The following HCN1 variants were observed in gnomAD, a reference collection of about 807,000 sequenced individuals.
HCN1 encodes hyperpolarization activated cyclic nucleotide gated potassium channel 1.
In HCN1, 13 loss-of-function variants were observed where a neutral mutation model predicts 78.9. The ratio of observed to expected loss-of-function variants is 0.16; its 90% CI spans 0.11 to 0.26. The LOEUF (loss-of-function observed/expected upper bound fraction) is 0.26, where lower values mean the gene tolerates loss of function less well. Among genes scored for constraint, HCN1 ranks in the 10% least tolerant of loss-of-function variants. The probability of loss-of-function intolerance (pLI) is 1.00; values close to 1 mark genes in which losing one functional copy is unlikely to be tolerated. For missense variants in HCN1, 810 were observed against 1,154.3 expected, an observed-to-expected ratio of 0.70 and a Z score of 4.32; for synonymous variants, 552 against 455.5, an observed-to-expected ratio of 1.21 and a Z score of -2.70.
chr5:45,516,548 A>T (rs942031066), intron 2 of HCN1, among the ~76,000 whole-genome samples: 8 of 151,960 alleles, frequency 5.3e-5, no homozygotes, highest in African/African-American at 1.7e-4. Context: ...CCATAATTTG[A>T]ATTTGGCAAA....
intron 5 of HCN1, among the ~76,000 whole-genome samples, chr5:45,331,167 G>C (rs1156270781): frequency 1.3e-5 from 2 of 151,178 alleles, no homozygotes; most frequent in African/African-American, 4.8e-5. Context: ...GTAAAGTGTA[G>C]AATTCAACTT....
chr5:45,419,127 C>A (rs1479576105), intron 3 of HCN1, among the ~76,000 whole-genome samples: 1 of 152,138 alleles, frequency 6.6e-6, no homozygotes, highest in Admixed American at 6.6e-5. Flanking sequence ...CACTATGACA[C>A]TTTACAAGCT....
At chr5:45,334,560 C>T (rs532264006) in intron 5 of HCN1, among the ~76,000 whole-genome samples, 13 of 151,892 alleles carry the variant, frequency 8.6e-5, no homozygotes, top group South Asian at 2.1e-4. Flanking sequence ...TCTTGTTTCT[C>T]CAAGAATATA....
At chr5:45,603,798 G>A (rs1161091226) in intron 2 of HCN1, among the ~76,000 whole-genome samples, 1 of 152,042 alleles carries the variant, frequency 6.6e-6, no homozygotes, top group African/African-American at 2.4e-5. Flanking sequence ...ATGACTAATT[G>A]TATGATAAAA....
At chr5:45,541,174 T>C (rs1208805955) in intron 2 of HCN1, among the ~76,000 whole-genome samples, 1 of 152,112 alleles carries the variant, frequency 6.6e-6, no homozygotes. Flanking sequence ...AAAATGTTTA[T>C]AGAAATTAAT....
intron 3 of HCN1, among the ~76,000 whole-genome samples, chr5:45,438,598 AAAAAC>A (rs1205762144): frequency 6.6e-6 from 1 of 151,894 alleles, no homozygotes; most frequent in Non-Finnish European, 1.5e-5. Context: ...TCAAAAAAAA[AAAAAC>A]AAAACAAACA....
intron 2 of HCN1, among the ~76,000 whole-genome samples, chr5:45,489,099 T>A (rs72762059): frequency 1.2e-3 from 179 of 152,308 alleles, no homozygotes; most frequent in Non-Finnish European, 5.9e-4. Flanking sequence ...AACTTGGAGT[T>A]CAGAAGAGTT....
chr5:45,600,706 C>T (rs1352787486), intron 2 of HCN1, among the ~76,000 whole-genome samples: 1 of 152,120 alleles, frequency 6.6e-6, no homozygotes, highest in Non-Finnish European at 1.5e-5. Context: ...GAACAAACCC[C>T]TTTCTGTCAT....
chr5:45,374,388 A>T (rs1172058522), intron 4 of HCN1, among the ~76,000 whole-genome samples: 3 of 145,168 alleles, frequency 2.1e-5, no homozygotes, highest in African/African-American at 7.6e-5. Flanking sequence ...TCCCTCAGAG[A>T]CTACCACGAT....
Position 45,582,425 on chromosome 5 carries a change from G to C in HCN1, c.849+62760C>G, listed in dbSNP as rs150548792. 2.6e-5 allele frequency among the ~76,000 whole-genome samples: 4 copies of C among 152,260 alleles called. No homozygotes were observed. The East Asian group carries it at 7.7e-4, about 29-fold the overall frequency. On this transcript the variant is annotated intron_variant, in intron 2 of 7. Transcript: ENST00000303230. ...TCACCTTAAGGAGATTTTGGGCTGA[G>C]ATGATGGGGTTTTCTAGATATACAA...
intron 7 of HCN1, among the ~76,000 whole-genome samples, chr5:45,263,887 G>A (rs1335179947): frequency 2.0e-5 from 3 of 151,972 alleles, no homozygotes; most frequent in Non-Finnish European, 2.9e-5. Context: ...TCTGCCTCCC[G>A]GGTTCATGCC....
chr5:45,288,931 A>G (rs964108893), intron 6 of HCN1, among the ~76,000 whole-genome samples: 14 of 152,064 alleles, frequency 9.2e-5, no homozygotes, highest in African/African-American at 3.4e-4. Flanking sequence ...ATGAGAACAC[A>G]GTGAGAAACC....
chr5:45,378,350 C>A (rs548602444), intron 4 of HCN1, among the ~76,000 whole-genome samples: 9 of 152,088 alleles, frequency 5.9e-5, no homozygotes, highest in Non-Finnish European at 1.0e-4. Context: ...AACTAGAGTG[C>A]CAATTTTCTT....
chr5:45,375,994 T>A (rs1359472443), intron 4 of HCN1, among the ~76,000 whole-genome samples: 38 of 115,924 alleles, frequency 3.3e-4, no homozygotes, highest in East Asian at 1.5e-3. Context: ...ATATATGATA[T>A]AATATTTTAT....
Position 45,498,717 on chromosome 5 carries a change from T to A in HCN1, c.850-36710A>T, listed in dbSNP as rs180924700. 6.9e-3 allele frequency among the ~76,000 whole-genome samples: 1,045 copies of A among 152,324 alleles called. 6 individuals are homozygous for A. The highest frequency in any genetic ancestry group is 0.065 in the Middle Eastern group (19 of 294). On this transcript the variant is annotated intron_variant, in intron 2 of 7. Coordinates refer to ENST00000303230, the MANE Select transcript of HCN1 (RefSeq NM_021072.4). Reference sequence around the variant, plus strand: ...TTTTTTCCCCATCTTTGTGGTTTTATCTACTTTTGGTCTTTGATGATGGTG... The same window carrying A: ...TTTTTTCCCCATCTTTGTGGTTTTAACTACTTTTGGTCTTTGATGATGGTG...
chr5:45,615,095 CA>C (rs374015122), intron 2 of HCN1, among the ~76,000 whole-genome samples: 263 of 151,730 alleles, frequency 1.7e-3, no homozygotes, highest in African/African-American at 5.7e-3. Context: ...AACAAAACAT[CA>C]TTTCCTGTAA....
chr5:45,255,212 T>G lies in HCN1; in HGVS notation c.*6709A>C, dbSNP rs749140466. ...AACTTTGGATGGTCCAGGATAAAAT[T>G]ATAACATAGGTGGTTTGTCGTTGCT... On this transcript the variant is annotated 3_prime_UTR_variant, in exon 8 of 8. Coordinates refer to ENST00000303230, the MANE Select transcript of HCN1 (RefSeq NM_021072.4). 4.6e-5 allele frequency: 7 copies of G among 152,194 alleles called. No homozygotes were observed. The highest frequency in any genetic ancestry group is 8.8e-5 in the Non-Finnish European group (6 of 68,030). 9.4% of individuals were successfully genotyped at this position (152,194 alleles called of 1,614,324 possible).
intron 1 of HCN1, among the ~76,000 whole-genome samples, chr5:45,688,600 T>C (rs1739851551): frequency 1.3e-5 from 2 of 152,124 alleles, no homozygotes; most frequent in African/African-American, 4.8e-5. Context: ...TCAATAAATA[T>C]TTATTACAGG....
rs796538896 is a variant in HCN1, at chr5:45,324,550, G to A, written c.1378-20711C>T. On this transcript the variant is annotated intron_variant, in intron 5 of 7. Transcript: ENST00000303230. The stretch of plus-strand genomic sequence containing the variant: ...AAATAGGAACACTTTTACACTGTTG[G>A]TGGGACTGTAAACTAGTTCAACCTA... Among the ~76,000 whole-genome samples the A allele has an allele frequency of 9.2e-5, 14 of 151,962 alleles. 1 individual carries two copies. The highest frequency in any genetic ancestry group is 3.4e-4 in the African/African-American group (14 of 41,492).
Sources: gnomAD v4.1 joint callset for allele counts (sites outside exome capture counted in the v4.1 genomes callset) on GRCh38, gnomAD v4.1.1 for gene constraint, MANE v1.5 for transcripts, NCBI Gene and HGNC (gene_info 2026-07-23, HGNC 2026-07-21) for gene names.